The following MAGI2 variants were observed in gnomAD, a reference collection of about 807,000 sequenced individuals.
MAGI2 encodes the protein membrane-associated guanylate kinase, WW and PDZ domain-containing protein 2.
In MAGI2, 35 loss-of-function variants were observed where a neutral mutation model predicts 133.3. The observed-to-expected ratio is 0.26, with a 90% CI of 0.20 to 0.35. MAGI2 has a LOEUF of 0.35. Ranked by LOEUF, MAGI2 falls within the 10% of genes least tolerant of loss-of-function variation. The probability of loss-of-function intolerance (pLI) is 1.00; values close to 1 mark genes in which losing one functional copy is unlikely to be tolerated. For synonymous variants in MAGI2, 729 were observed against 710.6 expected, an observed-to-expected ratio of 1.03 and a Z score of -0.41; for missense variants, 1,636 against 1,863.4, an observed-to-expected ratio of 0.88 and a Z score of 2.25.
At chr7:78,892,685 G>C (rs1227781014) in intron 2 of MAGI2, among the ~76,000 whole-genome samples, 1 of 152,160 alleles carries the variant, frequency 6.6e-6, no homozygotes, top group Non-Finnish European at 1.5e-5. Context: ...TATGTAGAAA[G>C]CTGAAACTGG....
chr7:79,206,435 A>G (rs1408508128), intron 1 of MAGI2, among the ~76,000 whole-genome samples: 2 of 150,342 alleles, frequency 1.3e-5, no homozygotes, highest in African/African-American at 2.5e-5. Flanking sequence ...AGATACTATT[A>G]TGAAAAATTA....
At chr7:78,535,412 G>T (rs1005543405) in intron 3 of MAGI2, among the ~76,000 whole-genome samples, 2 of 152,194 alleles carry the variant, frequency 1.3e-5, no homozygotes, top group African/African-American at 4.8e-5. Context: ...ATGTCAGGCT[G>T]CAGGGTGTAA....
chr7:78,840,603 G>A (rs920611479), intron 2 of MAGI2, among the ~76,000 whole-genome samples: 1 of 151,948 alleles, frequency 6.6e-6, no homozygotes, highest in African/African-American at 2.4e-5. Context: ...TTTAGTTGAG[G>A]AGCAAATAGT....
At chr7:78,849,978 T>C (rs1204222345) in intron 2 of MAGI2, among the ~76,000 whole-genome samples, 1 of 152,082 alleles carries the variant, frequency 6.6e-6, no homozygotes, top group Non-Finnish European at 1.5e-5. Flanking sequence ...CAAATTAATA[T>C]TTATGTTTAG....
At chr7:79,190,151 T>C (rs982368308) in intron 1 of MAGI2, among the ~76,000 whole-genome samples, 3 of 151,836 alleles carry the variant, frequency 2.0e-5, no homozygotes, top group Non-Finnish European at 2.9e-5. Context: ...CCAAGGAGCA[T>C]GGTTGTTGGA....
chr7:78,723,824 G>A (rs1820500839), intron 2 of MAGI2, among the ~76,000 whole-genome samples: 1 of 152,144 alleles, frequency 6.6e-6, no homozygotes, highest in Non-Finnish European at 1.5e-5. Context: ...TCAAAGTATA[G>A]GGAGATAGAT....
At chr7:78,943,868 T>G (rs6948152) in intron 2 of MAGI2, among the ~76,000 whole-genome samples, 39,919 of 152,114 alleles carry the variant, frequency 0.26, 5,395 homozygotes, top group South Asian at 0.37. Flanking sequence ...TCAACAAATA[T>G]TAACTTGTTA....
chr7:79,424,262 T>TC (rs983421321), intron 1 of MAGI2, among the ~76,000 whole-genome samples: 3 of 149,544 alleles, frequency 2.0e-5, no homozygotes, highest in Admixed American at 6.7e-5. Flanking sequence ...TTTCTTTTCT[T>TC]TTTTTTTTTA....
chr7:78,249,580 A>G (rs573732392), intron 10 of MAGI2, among the ~76,000 whole-genome samples: 1 of 152,290 alleles, frequency 6.6e-6, no homozygotes, highest in African/African-American at 2.4e-5. Context: ...AACCTGGAGG[A>G]CATTACATTA....
At chr7:79,296,422 C>T (rs1036858598) in intron 1 of MAGI2, among the ~76,000 whole-genome samples, 10 of 152,122 alleles carry the variant, frequency 6.6e-5, no homozygotes, top group African/African-American at 2.2e-4. Context: ...TAGCCAAGGA[C>T]ATAATCAGCT....
intron 16 of MAGI2, among the ~76,000 whole-genome samples, chr7:78,150,031 C>T (rs886436298): frequency 4.6e-5 from 7 of 152,152 alleles, no homozygotes; most frequent in Non-Finnish European, 7.4e-5. Context: ...ATGATTCCAA[C>T]CAAGTACTCA....
At chr7:78,964,177 T>G (rs1312344031) in intron 2 of MAGI2, among the ~76,000 whole-genome samples, 3 of 151,946 alleles carry the variant, frequency 2.0e-5, no homozygotes, top group Non-Finnish European at 4.4e-5. Flanking sequence ...ACTGTAATAA[T>G]ACATTATTTA....
At chr7:79,234,857 G>A (rs925923896) in intron 1 of MAGI2, among the ~76,000 whole-genome samples, 11 of 151,662 alleles carry the variant, frequency 7.3e-5, no homozygotes, top group African/African-American at 2.2e-4. Context: ...TCCTTTGGAG[G>A]AGGAGAGGCG....
chr7:78,734,810 G>A (rs1821692826), intron 2 of MAGI2, among the ~76,000 whole-genome samples: 1 of 152,170 alleles, frequency 6.6e-6, no homozygotes, highest in Admixed American at 6.5e-5. Context: ...CTAGCACAGA[G>A]CCTGTGGTCA....
At chr7:79,378,083 G>A (rs907854587) in intron 1 of MAGI2, among the ~76,000 whole-genome samples, 2 of 151,732 alleles carry the variant, frequency 1.3e-5, no homozygotes, top group African/African-American at 4.8e-5. Context: ...AAATTTTGGG[G>A]GTCAAGCTAT....
chr7:78,237,841 A>G (rs1044625960), intron 10 of MAGI2, among the ~76,000 whole-genome samples: 1 of 152,236 alleles, frequency 6.6e-6, no homozygotes, highest in African/African-American at 2.4e-5. Context: ...TGAACATGAA[A>G]GAAGCTTTGT....
At position 78,427,473 on chromosome 7, in the gene MAGI2, A is replaced by G. The variant is rs567859154; in HGVS notation, c.1046-58260T>C. ...ACTAGACTTTAAGACAAGAAGTGCT[A>G]CTAGAGATAATGAGGAATATTTCAT... On this transcript the variant is annotated intron_variant, in intron 6 of 21. Transcript: ENST00000354212. Among the ~76,000 whole-genome samples, 91 of 152,258 alleles carry G rather than the reference A, an allele frequency of 6.0e-4. 1 individual carries two copies. In the South Asian group the frequency reaches 0.018, roughly 30 times the overall value.
chr7:78,397,462 T>C (rs187914879), intron 6 of MAGI2, among the ~76,000 whole-genome samples: 2 of 151,930 alleles, frequency 1.3e-5, no homozygotes, highest in Admixed American at 1.3e-4. Flanking sequence ...TAATGCCTCA[T>C]GTGACAGGTT....
At chr7:78,203,191 T>C (rs1302048466) in intron 10 of MAGI2, among the ~76,000 whole-genome samples, 1 of 152,186 alleles carries the variant, frequency 6.6e-6, no homozygotes, top group East Asian at 1.9e-4. Flanking sequence ...GTCATCACCT[T>C]CTTCCTGCAA....
Sources: gnomAD v4.1 joint callset for allele counts (sites outside exome capture counted in the v4.1 genomes callset) on GRCh38, gnomAD v4.1.1 for gene constraint, MANE v1.5 for transcripts, NCBI Gene and HGNC (gene_info 2026-07-23, HGNC 2026-07-21) for gene names.